AFF2: variants seen among roughly 807,000 people sequenced by gnomAD.
AFF2 encodes AF4/FMR2 family member 2.
Under a neutral mutation model 76.9 loss-of-function variants are expected in AFF2, and 14 were observed. That is an observed-to-expected ratio of 0.18 (90% CI 0.12 to 0.28). The LOEUF (loss-of-function observed/expected upper bound fraction) is 0.28, where lower values mean the gene tolerates loss of function less well. Among genes scored for constraint, AFF2 ranks in the 10% least tolerant of loss-of-function variants. The pLI, the probability that AFF2 is intolerant of heterozygous loss-of-function variation, is 1.00. For missense variants in AFF2, 868 were observed against 1,001.1 expected, an observed-to-expected ratio of 0.87 and a Z score of 1.79; for synonymous variants, 398 against 366.7, an observed-to-expected ratio of 1.09 and a Z score of -0.98.
chrX:148,643,695 T>C (rs2054113300), intron 1 of AFF2, among the ~76,000 whole-genome samples: 1 of 111,191 alleles, frequency 9.0e-6, no homozygotes, highest in African/African-American at 3.3e-5. Flanking sequence ...AGGAAGTGCT[T>C]GACATGAGAT....
intron 2 of AFF2, among the ~76,000 whole-genome samples, chrX:148,661,202 G>A (rs1431224280): frequency 1.8e-5 from 2 of 112,389 alleles, no homozygotes; most frequent in Non-Finnish European, 3.8e-5. Flanking sequence ...ACACAGAAGG[G>A]CTTGAGTCAC....
rs1179311494 is a variant in AFF2 at position 148,997,301 on chromosome X, T to TCACA, written c.*5980_*5983dup. 9 of 100,564 alleles carry TCACA rather than the reference T, an allele frequency of 8.9e-5. No homozygotes were observed. The highest frequency in any genetic ancestry group is 4.0e-4 in the African/African-American group (9 of 22,466). The allele number at this position is 100,564 out of a possible 1,213,427, so 8.3% of individuals were successfully genotyped here. Reference sequence around the variant, plus strand: ...TCATTAAATACACACACACACACACTCACACACACACACATACACTTTTTA... The same window carrying TCACA: ...TCATTAAATACACACACACACACACTCACACACACACACACACATACACTTTTTA... On this transcript the variant is annotated 3_prime_UTR_variant, in exon 21 of 21. Coordinates refer to ENST00000370460, the MANE Select transcript of AFF2 (RefSeq NM_002025.4).
intron 1 of AFF2, among the ~76,000 whole-genome samples, chrX:148,594,766 A>C (rs1420989411): frequency 1.8e-5 from 2 of 111,967 alleles, no homozygotes; most frequent in Admixed American, 9.5e-5. Context: ...GATTGATTGA[A>C]AGCTGTGTAA....
intron 3 of AFF2, among the ~76,000 whole-genome samples, chrX:148,756,958 A>G (rs184811723): frequency 1.5e-3 from 165 of 112,588 alleles, no homozygotes; most frequent in African/African-American, 5.1e-3. Context: ...ACATGAGCAC[A>G]TGGAGTCCAA....
At chrX:148,692,022 A>T (rs1372926138) in intron 3 of AFF2, among the ~76,000 whole-genome samples, 6 of 92,891 alleles carry the variant, frequency 6.5e-5, no homozygotes, top group Non-Finnish European at 1.3e-4. Context: ...AAAACTGCAT[A>T]GTTCCTTAGG....
chrX:148,834,435 C>G (rs1330078680), intron 4 of AFF2, among the ~76,000 whole-genome samples: 1 of 111,431 alleles, frequency 9.0e-6, no homozygotes, highest in African/African-American at 3.3e-5. Context: ...CTCTCTGTCT[C>G]TCTCTCAAAG....
At chrX:148,526,277 G>T (rs532399053) in intron 1 of AFF2, among the ~76,000 whole-genome samples, 3 of 109,737 alleles carry the variant, frequency 2.7e-5, no homozygotes, top group South Asian at 7.7e-4. Flanking sequence ...ACACATAGTT[G>T]CAAGAAAGAA....
intron 8 of AFF2, among the ~76,000 whole-genome samples, chrX:148,895,080 A>G (rs1047283333): frequency 8.1e-5 from 9 of 110,662 alleles, no homozygotes; most frequent in Non-Finnish European, 1.7e-4. Flanking sequence ...AATGGGTTCA[A>G]ATTGTTACAA....
intron 1 of AFF2, among the ~76,000 whole-genome samples, chrX:148,543,585 G>A (rs1557237799): frequency 8.9e-6 from 1 of 111,798 alleles, no homozygotes; most frequent in Admixed American, 9.5e-5. Flanking sequence ...AAAGCCTTCC[G>A]CATGACAGCA....
chrX:148,962,575 AT>A (rs1340418308), intron 12 of AFF2, 139 bp from the exon 13 acceptor site: 1 of 464,492 alleles, frequency 2.2e-6, no homozygotes, highest in Non-Finnish European at 3.6e-6. Flanking sequence ...GTCTATATGC[AT>A]TTTTAGATAT....
At chrX:148,932,516 C>T (rs1477809239) in intron 9 of AFF2, among the ~76,000 whole-genome samples, 3 of 111,908 alleles carry the variant, frequency 2.7e-5, no homozygotes, top group Admixed American at 1.9e-4. Context: ...GCCTCAGTGT[C>T]TGGGAACCAG....
At position 148,938,297 on chromosome X, in the gene AFF2, T is replaced by A. The variant is rs146042288; in HGVS notation, c.1398-15283T>A. Among the ~76,000 whole-genome samples the A allele has an allele frequency of 3.1e-3, 347 of 112,250 alleles. 2 individuals carry two copies. Among genetic ancestry groups the A allele is most frequent in the African/African-American group, 0.011 (330 of 30,905 alleles). On this transcript the variant is annotated intron_variant, in intron 9 of 20. Coordinates refer to ENST00000370460, the MANE Select transcript of AFF2 (RefSeq NM_002025.4). ...GCTAATCTTCGTTGTCATTATAGAT[T>A]CCTCTTACATTTTCACACTGCCTTG...
chrX:148,873,578 T>C (rs1202630463), intron 7 of AFF2, among the ~76,000 whole-genome samples: 1 of 109,014 alleles, frequency 9.2e-6, no homozygotes, highest in Non-Finnish European at 1.9e-5. Context: ...TTCTTAACTT[T>C]TTTAAACCTG....
At chrX:148,520,159 G>A (rs1460031285) in intron 1 of AFF2, among the ~76,000 whole-genome samples, 13 of 111,250 alleles carry the variant, frequency 1.2e-4, no homozygotes, top group Non-Finnish European at 2.3e-4. Flanking sequence ...AGTGAAACCC[G>A]AAATGCATAT....
intron 3 of AFF2, among the ~76,000 whole-genome samples, chrX:148,738,312 T>C (rs2055310002): frequency 1.8e-5 from 2 of 111,503 alleles, no homozygotes; most frequent in South Asian, 7.4e-4. Flanking sequence ...TATTGGTCTG[T>C]TAAGAGTATC....
chrX:148,843,492 C>A, intron 7 of AFF2, 59 bp downstream of exon 7: 1 of 953,936 alleles, frequency 1.0e-6, no homozygotes, highest in Non-Finnish European at 1.5e-6. Context: ...GGAAACAGTG[C>A]CTCAATGCTG....
At chrX:148,975,751 C>T (rs1379562484) in intron 16 of AFF2, among the ~76,000 whole-genome samples, 12 of 104,408 alleles carry the variant, frequency 1.1e-4, no homozygotes, top group African/African-American at 4.1e-4. Flanking sequence ...GAGACCATCC[C>T]AGCTAAAACG....
At chrX:148,798,250 A>G (rs1306105192) in intron 3 of AFF2, among the ~76,000 whole-genome samples, 4 of 111,860 alleles carry the variant, frequency 3.6e-5, no homozygotes, top group African/African-American at 1.3e-4. Context: ...CTCCCATGAT[A>G]ATGACATTAA....
chrX:148,633,970 G>A (rs1189976961), intron 1 of AFF2, among the ~76,000 whole-genome samples: 2 of 111,851 alleles, frequency 1.8e-5, no homozygotes, highest in African/African-American at 6.5e-5. Flanking sequence ...AGCACTAAAT[G>A]AAGAGTCAGG....
Sources: gnomAD v4.1 joint callset for allele counts (sites outside exome capture counted in the v4.1 genomes callset) on GRCh38, gnomAD v4.1.1 for gene constraint, MANE v1.5 for transcripts, NCBI Gene and HGNC (gene_info 2026-07-23, HGNC 2026-07-21) for gene names.